SBF2: variants seen among roughly 807,000 people sequenced by gnomAD.
The protein encoded by SBF2 is SET binding factor 2.
SBF2 carries 112 observed loss-of-function variants against 225.2 expected under a neutral mutation model. The observed-to-expected ratio is 0.50, with a 90% CI of 0.43 to 0.58. The LOEUF (loss-of-function observed/expected upper bound fraction) is 0.58, where lower values mean the gene tolerates loss of function less well. Among genes scored for constraint, SBF2 ranks in the 20% least tolerant of loss-of-function variants. The pLI is 0.00. For synonymous variants in SBF2, 763 were observed against 773.3 expected, an observed-to-expected ratio of 0.99 and a Z score of 0.22; for missense variants, 1,996 against 2,206.2, an observed-to-expected ratio of 0.90 and a Z score of 1.91.
intron 6 of SBF2, among the ~76,000 whole-genome samples, chr11:10,027,748 A>C (rs1456632341): frequency 6.6e-6 from 1 of 152,184 alleles, no homozygotes; most frequent in Admixed American, 6.5e-5. Flanking sequence ...GGTACAGTGG[A>C]CACTTTCTAG....
intron 6 of SBF2, among the ~76,000 whole-genome samples, chr11:10,002,961 T>C (rs533018031): frequency 6.6e-6 from 1 of 152,218 alleles, no homozygotes; most frequent in Non-Finnish European, 1.5e-5. Context: ...CTCTAAGGCC[T>C]GTATTTAGGT....
chr11:10,076,363 C>G (rs1951108392), intron 2 of SBF2, among the ~76,000 whole-genome samples: 1 of 152,226 alleles, frequency 6.6e-6, no homozygotes, highest in Admixed American at 6.5e-5. Context: ...CCAGCCAGCA[C>G]AGGTGGCAGA....
chr11:9,846,383 A>T (rs1259876226), intron 23 of SBF2, among the ~76,000 whole-genome samples: 4 of 152,230 alleles, frequency 2.6e-5, no homozygotes, highest in Non-Finnish European at 5.9e-5. Context: ...AAATATTGCA[A>T]ACTGAGAATT....
At chr11:9,814,969 G>A (rs535280217) in intron 29 of SBF2, among the ~76,000 whole-genome samples, 44 of 152,176 alleles carry the variant, frequency 2.9e-4, no homozygotes, top group African/African-American at 9.2e-4. Flanking sequence ...TCTTTGTTGG[G>A]AGAAAAAGGT....
At chr11:9,975,036 C>CACAAATG (rs749017075) in intron 13 of SBF2, among the ~76,000 whole-genome samples, 21 of 146,724 alleles carry the variant, frequency 1.4e-4, no homozygotes, top group Non-Finnish European at 8.9e-5. Context: ...AAAGATGTGG[C>CACAAATG]ACAAATGGAA....
intron 1 of SBF2, among the ~76,000 whole-genome samples, chr11:10,265,178 A>C (rs1033787263): frequency 7.2e-5 from 11 of 152,128 alleles, no homozygotes; most frequent in African/African-American, 2.4e-4. Flanking sequence ...CAATGGTTGA[A>C]CTAATTCACC....
chr11:10,184,434 A>C (rs1956855363), intron 2 of SBF2, among the ~76,000 whole-genome samples: 1 of 152,176 alleles, frequency 6.6e-6, no homozygotes, highest in South Asian at 2.1e-4. Context: ...GCTTTATTTC[A>C]TACTGTTTTA....
intron 17 of SBF2, among the ~76,000 whole-genome samples, chr11:9,868,220 C>A (rs190120729): frequency 1.3e-5 from 2 of 151,384 alleles, no homozygotes; most frequent in Non-Finnish European, 2.9e-5. Context: ...GTTGTTGGGG[C>A]GCAGTGGCTC....
At position 9,894,160 on chromosome 11, in the gene SBF2, C is replaced by T. The variant is rs1244933434; in HGVS notation, c.1929+1783G>A. On this transcript the variant is annotated intron_variant, in intron 17 of 39. Coordinates refer to ENST00000256190, the MANE Select transcript of SBF2 (RefSeq NM_030962.4). Reference sequence around the variant, plus strand: ...ACTTTGGGAGGCCAAGGTGGGCAGACAGCTTGAGTCTAGGAATTTTAGACC... The same window carrying T: ...ACTTTGGGAGGCCAAGGTGGGCAGATAGCTTGAGTCTAGGAATTTTAGACC... Among the ~76,000 whole-genome samples, 18 of 152,088 alleles carry T rather than the reference C, an allele frequency of 1.2e-4. No individual in the cohort carries two copies. The East Asian group carries it at 3.5e-3, about 29-fold the overall frequency.
chr11:10,284,769 C>T (rs951213895), intron 1 of SBF2, among the ~76,000 whole-genome samples: 4 of 151,940 alleles, frequency 2.6e-5, no homozygotes, highest in African/African-American at 9.7e-5. Flanking sequence ...CATCATCACA[C>T]CTGGCTAATT....
At chr11:10,034,907 T>G (rs756793119) in intron 3 of SBF2, among the ~76,000 whole-genome samples, 1 of 152,186 alleles carries the variant, frequency 6.6e-6, no homozygotes, top group Admixed American at 6.6e-5. Context: ...CAAGTTGACA[T>G]GTCTACATGA....
intron 2 of SBF2, among the ~76,000 whole-genome samples, chr11:10,111,884 C>A (rs1022765900): frequency 4.6e-5 from 7 of 151,834 alleles, no homozygotes; most frequent in East Asian, 3.9e-4. Context: ...CTCAAAAAAA[C>A]CAAAAAAAAT....
At chr11:10,070,246 A>C (rs1346044854) in intron 2 of SBF2, among the ~76,000 whole-genome samples, 1 of 152,166 alleles carries the variant, frequency 6.6e-6, no homozygotes, top group Non-Finnish European at 1.5e-5. Context: ...CTATGTCGTA[A>C]ATGGTACTGC....
At position 9,822,255 on chromosome 11, in the gene SBF2, ACT is replaced by A. The variant is rs1413568306; in HGVS notation, c.3794-5233_3794-5232del. ...ATGGTTTGAATTAGAATGTAACTAAACTCTTTTTTTTTTTTTTTTTTTTGAGA... is the reference window on the plus strand; with the variant it reads ...ATGGTTTGAATTAGAATGTAACTAAACTTTTTTTTTTTTTTTTTTTTGAGA... On this transcript the variant is annotated intron_variant, in intron 28 of 39. Transcript: ENST00000256190. 9.5e-5 allele frequency among the ~76,000 whole-genome samples: 14 copies of A among 146,766 alleles called. No homozygotes were observed. The South Asian group carries it at 2.2e-3, about 23-fold the overall frequency.
At position 10,272,262 on chromosome 11, in the gene SBF2, C is replaced by T. The variant is rs1040569128; in HGVS notation, c.55+21753G>A. Reference sequence around the variant, plus strand: ...CTCGCGCTAGCCCCGGAGGACATGGCGGCGGCGCTGGGCTCCTAGGGGCTG... The same window carrying T: ...CTCGCGCTAGCCCCGGAGGACATGGTGGCGGCGCTGGGCTCCTAGGGGCTG... On this transcript the variant is annotated intron_variant, in intron 1 of 39. Transcript: ENST00000256190. 1.3e-5 allele frequency: 13 copies of T among 1,031,734 alleles called. 2 individuals carry two copies. In the African/African-American group the frequency reaches 1.5e-4, roughly 12 times the overall value. 63.9% of individuals were successfully genotyped at this position (1,031,734 alleles called of 1,614,324 possible).
intron 38 of SBF2, among the ~76,000 whole-genome samples, chr11:9,782,738 G>C (rs542983246): frequency 3.3e-5 from 5 of 152,196 alleles, no homozygotes; most frequent in African/African-American, 7.2e-5. Flanking sequence ...GGGCATGGTG[G>C]CAGGCGCCTG....
intron 14 of SBF2, among the ~76,000 whole-genome samples, chr11:9,964,281 C>T (rs1866762481): frequency 6.6e-6 from 1 of 151,882 alleles, no homozygotes; most frequent in African/African-American, 2.4e-5. Flanking sequence ...GTTGATATGA[C>T]CTACACCTTA....
At chr11:10,035,132 T>C (rs897505585) in intron 3 of SBF2, among the ~76,000 whole-genome samples, 13 of 151,964 alleles carry the variant, frequency 8.6e-5, no homozygotes, top group Non-Finnish European at 1.6e-4. Flanking sequence ...GCCTGGCTAA[T>C]TTTTTCTTTT....
chr11:9,819,672 G>A (rs1468336373), intron 28 of SBF2, among the ~76,000 whole-genome samples: 17 of 152,160 alleles, frequency 1.1e-4, no homozygotes, highest in Admixed American at 1.1e-3. Context: ...GGGTGTGTAT[G>A]GGTGAATGTT....
Sources: allele counts gnomAD v4.1 joint callset (sites outside exome capture counted in the v4.1 genomes callset), GRCh38; gene constraint gnomAD v4.1.1; transcripts MANE v1.5; gene names NCBI Gene and HGNC (gene_info 2026-07-23, HGNC 2026-07-21).